The following CATSPERD variants were observed in gnomAD, a reference collection of about 807,000 sequenced individuals.
CATSPERD encodes cation channel sperm-associated auxiliary subunit delta.
Under a neutral mutation model 98.1 loss-of-function variants are expected in CATSPERD, and 86 were observed. That is an observed-to-expected ratio of 0.88 (90% CI 0.74 to 1.05). The LOEUF (loss-of-function observed/expected upper bound fraction) is 1.05. Among genes scored for constraint, CATSPERD ranks in the 50% least tolerant of loss-of-function variants. CATSPERD has a pLI of 0.00. For synonymous variants in CATSPERD, 394 were observed against 390.2 expected, an observed-to-expected ratio of 1.01 and a Z score of -0.12; for missense variants, 995 against 1,005.7, an observed-to-expected ratio of 0.99 and a Z score of 0.14.
chr19:5,736,160 C>T (rs2055841433), intron 5 of CATSPERD, among the ~76,000 whole-genome samples: 1 of 151,976 alleles, frequency 6.6e-6, no homozygotes, highest in African/African-American at 2.4e-5. Context: ...GATCCGCCCA[C>T]CTCTGCCTCC....
chr19:5,736,495 T>TGA (rs1365951519), intron 5 of CATSPERD, among the ~76,000 whole-genome samples: 18 of 151,204 alleles, frequency 1.2e-4, no homozygotes, highest in Middle Eastern at 3.6e-3. Flanking sequence ...GGCGGGTGGA[T>TGA]CACTCGAGGT....
At chr19:5,727,210 T>G in intron 2 of CATSPERD, 58 bp from the exon 3 acceptor site, 1 of 1,366,166 alleles carries the variant, frequency 7.3e-7, no homozygotes, top group Non-Finnish European at 1.0e-6. Context: ...AAAAAAATTA[T>G]TTCTATCAGC....
chr19:5,768,359 A>T, intron 18 of CATSPERD, 117 bp downstream of exon 18: 3 of 604,258 alleles, frequency 5.0e-6, no homozygotes, highest in Non-Finnish European at 2.3e-6. Flanking sequence ...TATTATTGAG[A>T]TGGAGTCTCG....
At chr19:5,772,580 C>T (rs1287519075) in intron 19 of CATSPERD, 5 of 564,576 alleles carry the variant, frequency 8.9e-6, no homozygotes, top group Non-Finnish European at 1.6e-5. Context: ...TGGCTGCTGC[C>T]CATCTCCCCA....
intron 15 of CATSPERD, among the ~76,000 whole-genome samples, chr19:5,759,480 G>T (rs149242897): frequency 0.023 from 3,395 of 149,420 alleles, 126 homozygotes; most frequent in African/African-American, 0.08. Context: ...CAGGAGAATT[G>T]CTTGAATCCA....
chr19:5,752,009 T>G (rs904626481), intron 12 of CATSPERD, among the ~76,000 whole-genome samples, 186 bp downstream of exon 12: 2 of 151,878 alleles, frequency 1.3e-5, no homozygotes, highest in Admixed American at 6.6e-5. Context: ...AAAAAAAATT[T>G]TTTTTTAAAG....
At chr19:5,767,898 G>A (rs1350645359) in intron 17 of CATSPERD, among the ~76,000 whole-genome samples, 1 of 152,120 alleles carries the variant, frequency 6.6e-6, no homozygotes. Flanking sequence ...CCAGGTTCAA[G>A]TGATTCTCCT....
intron 8 of CATSPERD, among the ~76,000 whole-genome samples, chr19:5,744,920 T>C (rs964966498): frequency 2.0e-5 from 3 of 151,868 alleles, no homozygotes; most frequent in South Asian, 2.1e-4. Context: ...TATTTTTGTT[T>C]AACCATTTTA....
intron 13 of CATSPERD, among the ~76,000 whole-genome samples, chr19:5,755,149 T>C (rs918842182): frequency 1.3e-5 from 2 of 152,068 alleles, no homozygotes; most frequent in Non-Finnish European, 2.9e-5. Context: ...GGCCTCATTT[T>C]CTTAACTCAG....
intron 4 of CATSPERD, among the ~76,000 whole-genome samples, chr19:5,731,867 G>T (rs1266218899): frequency 6.6e-6 from 1 of 152,044 alleles, no homozygotes; most frequent in Non-Finnish European, 1.5e-5. Flanking sequence ...GAGCCACCGC[G>T]CCCGGCCTAC....
chr19:5,749,029 C>G, intron 10 of CATSPERD, 72 bp from the exon 11 acceptor site: 1 of 1,353,324 alleles, frequency 7.4e-7, no homozygotes, highest in Non-Finnish European at 1.0e-6. Flanking sequence ...TGCACCCAAC[C>G]ACACTTATGT....
rs937702329 is a variant in CATSPERD at position 5,754,134 on chromosome 19, A to T, written c.1167A>T (p.Ile389=). 1 of 1,595,850 alleles carries T rather than the reference A, an allele frequency of 6.3e-7. No individual in the cohort carries two copies. Among genetic ancestry groups the T allele is most frequent in the African/African-American group, 1.3e-5 (1 of 74,562 alleles). ...TTCTTCTTCGCCTTTTTAACTAGAT[A>T]GAGTTTCTGACAGGAGAATTTATAT... is the stretch of plus-strand genomic sequence containing the variant. The part of the protein sequence containing the change: ...DPELHVGKCK[I]EFLTGEFIYR... Residue 389 remains isoleucine, a splice_region_variant and synonymous_variant, in exon 13 of 22, where the codon ATA becomes ATT. Coordinates refer to ENST00000381624, the MANE Select transcript of CATSPERD (RefSeq NM_152784.4).
intron 7 of CATSPERD, among the ~76,000 whole-genome samples, chr19:5,743,688 C>T (rs539905394): frequency 6.7e-5 from 4 of 59,396 alleles, no homozygotes; most frequent in African/African-American, 1.9e-4. Flanking sequence ...CTCTTCCTCT[C>T]TCTCTCTCTC....
At chr19:5,771,215 C>T in intron 19 of CATSPERD, 143 bp downstream of exon 19, 1 of 954,818 alleles carries the variant, frequency 1.0e-6, no homozygotes, top group Non-Finnish European at 1.5e-6. Flanking sequence ...TGCTCCTGCC[C>T]CAGCCCCACT....
At chr19:5,772,139 C>G (rs1443623284) in intron 19 of CATSPERD, 1 of 410,690 alleles carries the variant, frequency 2.4e-6, no homozygotes, top group Non-Finnish European at 4.8e-6. Flanking sequence ...CCTTAACCTC[C>G]CAGGCTCAAG....
chr19:5,721,916 G>A (rs1393483639), intron 1 of CATSPERD, among the ~76,000 whole-genome samples: 1 of 151,622 alleles, frequency 6.6e-6, no homozygotes, highest in Non-Finnish European at 1.5e-5. Flanking sequence ...TTGAATTCAG[G>A]AGGTGGAGGT....
At chr19:5,750,822 C>T (rs964723525) in intron 11 of CATSPERD, among the ~76,000 whole-genome samples, 1 of 151,988 alleles carries the variant, frequency 6.6e-6, no homozygotes, top group African/African-American at 2.4e-5. Flanking sequence ...TGTGTTTCCT[C>T]CCTCCCCCAG....
rs573139640 is a variant in CATSPERD, at chr19:5,776,298, C to T, written c.2079C>T (p.Ile693=). The change falls in exon 21 of 22, where the codon ATC becomes ATT. Residue 693 remains isoleucine, a synonymous_variant. Transcript: ENST00000381624. ...GCTTTTATGTCTTCTACATTTCGAT[C>T]GTGGATCCGTACTACAGGTGAGTGG... is the stretch of plus-strand genomic sequence containing the variant. ...HNGFYVFYIS[I]VDPYYSYCQL... 17 of 1,614,084 alleles carry T rather than the reference C, an allele frequency of 1.1e-5. No individual in the cohort carries two copies. The highest frequency in any genetic ancestry group is 1.7e-5 in the Admixed American group (1 of 60,000).
intron 11 of CATSPERD, among the ~76,000 whole-genome samples, chr19:5,751,195 CTCAAAAAAAAAAAAAAAAAAAAAAA>C: frequency 2.0e-5 from 1 of 49,190 alleles, no homozygotes; most frequent in African/African-American, 7.1e-5. Flanking sequence ...AAGATTCCGT[CTCAAAAAAAAAAAAAAAAAAAAAAA>C]AAAAAAAAAA....
Sources: gnomAD v4.1 joint callset for allele counts (sites outside exome capture counted in the v4.1 genomes callset) on GRCh38, gnomAD v4.1.1 for gene constraint, MANE v1.5 for transcripts, NCBI Gene and HGNC (gene_info 2026-07-23, HGNC 2026-07-21) for gene names.